The following CD99L2 variants were observed in gnomAD, a reference collection of about 807,000 sequenced individuals.
CD99L2 encodes CD99 molecule like 2.
Under a neutral mutation model 27.3 loss-of-function variants are expected in CD99L2, and 24 were observed. The ratio of observed to expected loss-of-function variants is 0.88; its 90% confidence interval spans 0.64 to 1.24. The LOEUF is 1.24. Ranked by LOEUF, CD99L2 falls within the 50% of genes most tolerant of loss-of-function variation. The probability of loss-of-function intolerance (pLI) is 0.00; values close to 1 mark genes in which losing one functional copy is unlikely to be tolerated. For missense variants in CD99L2, 255 were observed against 221.6 expected, an observed-to-expected ratio of 1.15 and a Z score of -0.96; for synonymous variants, 97 against 87.9, an observed-to-expected ratio of 1.10 and a Z score of -0.58.
At chrX:150,883,246 A>G (rs1038920766) in intron 1 of CD99L2, among the ~76,000 whole-genome samples, 1 of 112,171 alleles carries the variant, frequency 8.9e-6, no homozygotes, top group Non-Finnish European at 1.9e-5. Context: ...AACCCATAAA[A>G]GACAGTGGAA....
chrX:150,865,453 T>G (rs1051707865), intron 1 of CD99L2, among the ~76,000 whole-genome samples: 1 of 111,877 alleles, frequency 8.9e-6, no homozygotes, highest in Non-Finnish European at 1.9e-5. Flanking sequence ...CAGTGAGCTA[T>G]GACTGATTGA....
intron 4 of CD99L2, among the ~76,000 whole-genome samples, chrX:150,800,000 G>C (rs1258613157): frequency 8.9e-6 from 1 of 111,961 alleles, no homozygotes; most frequent in Non-Finnish European, 1.9e-5. Flanking sequence ...CATATAAATG[G>C]ATAAGCAAAA....
intron 7 of CD99L2, among the ~76,000 whole-genome samples, chrX:150,788,216 C>T (rs2045630633): frequency 9.0e-6 from 1 of 111,074 alleles, no homozygotes; most frequent in South Asian, 3.8e-4. Context: ...AGACTTTATC[C>T]CTAGGATGCA....
intron 1 of CD99L2, among the ~76,000 whole-genome samples, chrX:150,834,276 G>A (rs1330106071): frequency 9.0e-6 from 1 of 111,610 alleles, no homozygotes; most frequent in Non-Finnish European, 1.9e-5. Flanking sequence ...GGCAGTTCAC[G>A]AGGTCAAGAG....
intron 1 of CD99L2, among the ~76,000 whole-genome samples, chrX:150,841,213 G>A (rs1326160460): frequency 9.0e-6 from 1 of 111,364 alleles, no homozygotes; most frequent in Non-Finnish European, 1.9e-5. Context: ...CTGTTAAAAA[G>A]AATGGGATAA....
intron 2 of CD99L2, chrX:150,818,911 C>A: frequency 5.3e-6 from 2 of 374,326 alleles, no homozygotes; most frequent in East Asian, 1.5e-4. Flanking sequence ...TTCTTACTTT[C>A]CTAGAATTAT....
In CD99L2 at chrX:150,780,377, T is replaced by C. The variant is rs781879191; in HGVS notation, c.497-2895A>G. Among the ~76,000 whole-genome samples, 28 of 112,398 alleles carry C rather than the reference T, an allele frequency of 2.5e-4. No homozygotes were observed. In the South Asian group the frequency reaches 3.6e-3, roughly 15 times the overall value. Reference sequence around the variant, plus strand: ...GGCATGTAAAATGGTGCAGCTGCTATGGAAAACAGTTTGATTGCTCCTTAA... The same window carrying C: ...GGCATGTAAAATGGTGCAGCTGCTACGGAAAACAGTTTGATTGCTCCTTAA... On this transcript the variant is annotated intron_variant, in intron 7 of 10. Coordinates refer to ENST00000370377, the MANE Select transcript of CD99L2 (RefSeq NM_031462.4).
chrX:150,826,495 C>A (rs1356803632), intron 2 of CD99L2, among the ~76,000 whole-genome samples: 1 of 111,107 alleles, frequency 9.0e-6, no homozygotes, highest in African/African-American at 3.3e-5. Context: ...AACATAAAGT[C>A]CACATATTGA....
chrX:150,893,825 C>T (rs969189566), intron 1 of CD99L2, among the ~76,000 whole-genome samples: 1 of 109,949 alleles, frequency 9.1e-6, no homozygotes, highest in African/African-American at 3.3e-5. Flanking sequence ...AAGAGATTCT[C>T]ATGCTTTAGC....
At chrX:150,861,919 G>A (rs11795425) in intron 1 of CD99L2, among the ~76,000 whole-genome samples, 3 of 74,892 alleles carry the variant, frequency 4.0e-5, no homozygotes, top group African/African-American at 1.7e-4. Context: ...AAAAAAAAAA[G>A]AGAGAGAGAG....
chrX:150,869,908 G>A (rs2047128979), intron 1 of CD99L2, among the ~76,000 whole-genome samples: 1 of 111,207 alleles, frequency 9.0e-6, no homozygotes, highest in Non-Finnish European at 1.9e-5. Context: ...AGACTGGGGA[G>A]GGAATAGCTG....
intron 1 of CD99L2, among the ~76,000 whole-genome samples, chrX:150,885,939 G>C (rs1213963887): frequency 8.9e-6 from 1 of 112,266 alleles, no homozygotes; most frequent in African/African-American, 3.2e-5. Context: ...TAAAAGAGAT[G>C]AGACGAGCCA....
At chrX:150,793,527 C>A (rs1042594381) in intron 7 of CD99L2, among the ~76,000 whole-genome samples, 164 bp downstream of exon 7, 2 of 112,331 alleles carry the variant, frequency 1.8e-5, no homozygotes, top group African/African-American at 6.5e-5. Flanking sequence ...ATAAATCCCC[C>A]CCTTGAACTG....
chrX:150,798,590 G>T (rs781891285), intron 4 of CD99L2, among the ~76,000 whole-genome samples: 1 of 111,333 alleles, frequency 9.0e-6, no homozygotes, highest in Non-Finnish European at 1.9e-5. Context: ...ATAGTTCAAA[G>T]ACCTAAATAT....
intron 4 of CD99L2, among the ~76,000 whole-genome samples, chrX:150,811,540 C>A (rs1165533253): frequency 4.5e-5 from 5 of 111,347 alleles, no homozygotes; most frequent in Non-Finnish European, 7.5e-5. Context: ...GACAACACTA[C>A]CTAAATAATC....
At chrX:150,850,998 C>T (rs182098775) in intron 1 of CD99L2, among the ~76,000 whole-genome samples, 20 of 111,233 alleles carry the variant, frequency 1.8e-4, no homozygotes, top group Admixed American at 5.7e-4. Context: ...CCACGGCACG[C>T]GGCTAATTTT....
At chrX:150,770,581 G>A (rs375785412) in intron 9 of CD99L2, among the ~76,000 whole-genome samples, 4 of 112,520 alleles carry the variant, frequency 3.6e-5, no homozygotes, top group South Asian at 7.4e-4. Flanking sequence ...TCTCATCATC[G>A]TCCTCAGAAA....
At chrX:150,876,442 AG>A (rs2047230732) in intron 1 of CD99L2, among the ~76,000 whole-genome samples, 1 of 112,645 alleles carries the variant, frequency 8.9e-6, no homozygotes, top group South Asian at 3.6e-4. Context: ...ATGAGAAAAT[AG>A]TAACTACTAA....
chrX:150,858,513 C>T (rs2046927015), intron 1 of CD99L2, among the ~76,000 whole-genome samples: 1 of 112,408 alleles, frequency 8.9e-6, no homozygotes, highest in South Asian at 3.6e-4. Flanking sequence ...TCTCAGACCA[C>T]AATGGAATAA....
Sources: allele counts gnomAD v4.1 joint callset (sites outside exome capture counted in the v4.1 genomes callset), GRCh38; gene constraint gnomAD v4.1.1; transcripts MANE v1.5; gene names NCBI Gene and HGNC (gene_info 2026-07-23, HGNC 2026-07-21).